The following SRGAP3 variants were observed in gnomAD, a reference collection of about 807,000 sequenced individuals.
SRGAP3 encodes SLIT-ROBO Rho GTPase-activating protein 3.
A neutral mutation model predicts 121.1 loss-of-function variants in SRGAP3; 39 were observed. The observed-to-expected ratio is 0.32, with a 90% CI of 0.25 to 0.42. The LOEUF (loss-of-function observed/expected upper bound fraction) is 0.42, where lower values mean the gene tolerates loss of function less well. Among genes scored for constraint, SRGAP3 ranks in the 10% least tolerant of loss-of-function variants. The pLI, the probability that SRGAP3 is intolerant of heterozygous loss-of-function variation, is 1.00. For missense variants in SRGAP3, 1,213 were observed against 1,470.6 expected (o/e 0.82, Z 2.86); for synonymous variants, 601 against 570.0 (o/e 1.05, Z -0.77).
chr3:8,989,794 A>T (rs570653367), intron 21 of SRGAP3, among the ~76,000 whole-genome samples: 1 of 152,256 alleles, frequency 6.6e-6, no homozygotes, highest in East Asian at 1.9e-4. Flanking sequence ...AAACAAACAA[A>T]AGCCAACCCT....
At chr3:9,176,117 T>C (rs1951171976) in intron 1 of SRGAP3, among the ~76,000 whole-genome samples, 1 of 152,178 alleles carries the variant, frequency 6.6e-6, no homozygotes, top group South Asian at 2.1e-4. Flanking sequence ...AGATAGGGTT[T>C]CGTTATGTTG....
chr3:9,149,271 G>A (rs1056795078), intron 1 of SRGAP3, among the ~76,000 whole-genome samples: 1 of 151,764 alleles, frequency 6.6e-6, no homozygotes, highest in Non-Finnish European at 1.5e-5. Flanking sequence ...GAGCCCATCT[G>A]GCACATGTGT....
intron 2 of SRGAP3, among the ~76,000 whole-genome samples, chr3:9,106,707 T>C (rs1372614615): frequency 2.0e-5 from 3 of 152,184 alleles, no homozygotes; most frequent in Admixed American, 6.5e-5. Context: ...ATATAAGAAG[T>C]GCCTTTCACC....
intron 20 of SRGAP3, among the ~76,000 whole-genome samples, chr3:8,991,792 G>T (rs1942069809): frequency 6.6e-6 from 1 of 152,180 alleles, no homozygotes; most frequent in Admixed American, 6.5e-5. Flanking sequence ...GACCACCAGT[G>T]ATTCAGATCC....
intron 1 of SRGAP3, among the ~76,000 whole-genome samples, chr3:9,232,448 G>A (rs1364212714): frequency 2.0e-5 from 3 of 151,842 alleles, no homozygotes; most frequent in African/African-American, 2.4e-5. Context: ...ATTACCAATC[G>A]TCAAAAACCA....
chr3:9,045,366 G>A (rs1046518592), intron 10 of SRGAP3, among the ~76,000 whole-genome samples: 66 of 151,738 alleles, frequency 4.3e-4, no homozygotes, highest in African/African-American at 1.5e-3. Flanking sequence ...TGCATTTTCC[G>A]GGAGGTTTTT....
Position 8,985,516 on chromosome 3 carries a change from AG to A in SRGAP3, c.*2del. The A allele has an allele frequency of 6.3e-7, 1 of 1,598,164 alleles. No individual in the cohort carries two copies. The highest frequency in any genetic ancestry group is 8.5e-7 in the Non-Finnish European group (1 of 1,179,388). On this transcript the variant is annotated 3_prime_UTR_variant, in exon 22 of 22. Coordinates refer to ENST00000383836, the MANE Select transcript of SRGAP3 (RefSeq NM_014850.4). The surrounding 1 kb of genome is among the most constrained non-coding windows in gnomAD (Gnocchi z 5.1). ...GCCACGGCGGCGCGGCCCATCCTGC[AG>A]GTCACATGGTGCCCGACTTGTCCGC...
At chr3:9,059,999 C>T in intron 6 of SRGAP3, 2 of 587,836 alleles carry the variant, frequency 3.4e-6, no homozygotes, top group Non-Finnish European at 5.9e-6. Flanking sequence ...CCCAAGCCAA[C>T]TGCACTGGGG....
intron 1 of SRGAP3, among the ~76,000 whole-genome samples, chr3:9,358,881 C>T (rs1189744725): frequency 6.6e-6 from 1 of 152,152 alleles, no homozygotes; most frequent in Admixed American, 6.5e-5. Flanking sequence ...GCCCTTGGCC[C>T]TCTGAAGGTT....
chr3:9,174,114 AG>A (rs1378641685), intron 1 of SRGAP3, among the ~76,000 whole-genome samples: 4 of 152,238 alleles, frequency 2.6e-5, no homozygotes, highest in African/African-American at 9.6e-5. Flanking sequence ...CAGTCACAAA[AG>A]GACAAATCGT....
intron 8 of SRGAP3, 107 bp from the exon 9 acceptor site, chr3:9,053,331 A>T: frequency 1.8e-6 from 2 of 1,131,304 alleles, no homozygotes; most frequent in Non-Finnish European, 2.6e-6. Context: ...TGAAGTCCCT[A>T]GGATATAGGC....
intron 1 of SRGAP3, chr3:9,349,248 CCT>C: frequency 1.8e-6 from 1 of 557,242 alleles, no homozygotes; most frequent in South Asian, 1.7e-5. Flanking sequence ...ATCGCGTCCC[CCT>C]GCCCCTCCCT....
At chr3:9,100,365 T>C (rs1442259432) in intron 3 of SRGAP3, among the ~76,000 whole-genome samples, 3 of 152,122 alleles carry the variant, frequency 2.0e-5, no homozygotes, top group African/African-American at 7.2e-5. Context: ...TTCTCAACTC[T>C]TTGCCCCACT....
chr3:9,006,315 G>T (rs796073767), intron 18 of SRGAP3, among the ~76,000 whole-genome samples: 4 of 150,816 alleles, frequency 2.7e-5, no homozygotes, highest in Non-Finnish European at 5.9e-5. Flanking sequence ...CAGGAGAATC[G>T]CTTGAACCAG....
intron 18 of SRGAP3, among the ~76,000 whole-genome samples, chr3:8,999,240 G>A (rs1397613356): frequency 6.6e-6 from 1 of 152,228 alleles, no homozygotes; most frequent in Non-Finnish European, 1.5e-5. Context: ...CAGTGGCAAA[G>A]CAGAGCAGTG....
At chr3:9,307,626 C>T (rs545742299) in intron 3 of SRGAP3, among the ~76,000 whole-genome samples, 2 of 152,212 alleles carry the variant, frequency 1.3e-5, no homozygotes, top group Admixed American at 6.5e-5. Flanking sequence ...AGGTCCTAAA[C>T]AAAATGTATG....
At chr3:9,272,360 CT>C (rs1371643174) in intron 3 of SRGAP3, among the ~76,000 whole-genome samples, 1 of 152,198 alleles carries the variant, frequency 6.6e-6, no homozygotes, top group Admixed American at 6.5e-5. Context: ...ATCTCAGGAA[CT>C]TTTTCATCAT....
intron 1 of SRGAP3, among the ~76,000 whole-genome samples, chr3:9,171,554 T>C (rs1950976024): frequency 6.6e-6 from 1 of 152,226 alleles, no homozygotes; most frequent in Non-Finnish European, 1.5e-5. Context: ...TCTACATGAC[T>C]TGGAAGGACA....
chr3:9,126,540 G>C (rs1327850738), intron 1 of SRGAP3, among the ~76,000 whole-genome samples: 1 of 152,150 alleles, frequency 6.6e-6, no homozygotes, highest in Middle Eastern at 3.2e-3. Flanking sequence ...TGGGGCAGGA[G>C]AATCACTTGA....
Sources: gnomAD v4.1 joint callset for allele counts (sites outside exome capture counted in the v4.1 genomes callset) on GRCh38, gnomAD v4.1.1 for gene constraint, Gnocchi (gnomAD v3.1) non-coding constraint, MANE v1.5 for transcripts, NCBI Gene and HGNC (gene_info 2026-07-23, HGNC 2026-07-21) for gene names.